Variants in EP400 observed in about 807,000 individuals in gnomAD.
The protein encoded by EP400 is E1A-binding protein p400.
A neutral mutation model predicts 354.1 loss-of-function variants in EP400; 105 were observed. The observed-to-expected ratio is 0.30, with a 90% CI of 0.25 to 0.35. EP400 has a LOEUF of 0.35. Among genes scored for constraint, EP400 ranks in the 10% least tolerant of loss-of-function variants. The pLI is 1.00. For missense variants in EP400, 3,280 were observed against 4,121.0 expected, an observed-to-expected ratio of 0.80 and a Z score of 5.59; for synonymous variants, 1,646 against 1,716.9, an observed-to-expected ratio of 0.96 and a Z score of 1.02.
At position 132,010,942 on chromosome 12, in the gene EP400, TA is replaced by T. The variant is rs559688473; in HGVS notation, c.3305-548del. The stretch of plus-strand genomic sequence containing the variant: ...GGGTGACAAGAGCAACACTCCATCT[TA>T]AAAAAAACAAAATCTTAGTTTTCTG... On this transcript the variant is annotated intron_variant, in intron 15 of 52. Transcript: ENST00000389561. Among the ~76,000 whole-genome samples, 447 of 152,002 alleles carry T rather than the reference TA, an allele frequency of 2.9e-3. 4 individuals are homozygous for T. Among genetic ancestry groups the T allele is most frequent in the African/African-American group, 0.01 (433 of 41,464 alleles).
At chr12:132,002,863 C>T (rs1893463428) in intron 12 of EP400, among the ~76,000 whole-genome samples, 1 of 152,144 alleles carries the variant, frequency 6.6e-6, no homozygotes, top group Non-Finnish European at 1.5e-5. Context: ...AGCAGAGCCT[C>T]TCATTGGGTC....
At chr12:132,047,495 G>A (rs1445007627) in intron 39 of EP400, among the ~76,000 whole-genome samples, 1 of 152,172 alleles carries the variant, frequency 6.6e-6, no homozygotes, top group African/African-American at 2.4e-5. Flanking sequence ...CATGTCGGCA[G>A]GTTCCGTGAT....
intron 1 of EP400, among the ~76,000 whole-genome samples, chr12:131,958,628 C>A (rs1430403648): frequency 6.6e-6 from 1 of 152,130 alleles, no homozygotes; most frequent in Non-Finnish European, 1.5e-5. Flanking sequence ...AGGCGGTCTC[C>A]TTTGGCCTCC....
intron 36 of EP400, 36 bp downstream of exon 36, chr12:132,044,751 C>T: frequency 1.2e-6 from 2 of 1,614,148 alleles, no homozygotes; most frequent in Non-Finnish European, 8.5e-7. Flanking sequence ...TCTGTGTGGG[C>T]AGCTTCCTGT....
intron 51 of EP400, among the ~76,000 whole-genome samples, chr12:132,072,115 G>A (rs1331202451): frequency 1.3e-5 from 2 of 152,136 alleles, no homozygotes; most frequent in Admixed American, 6.5e-5. Context: ...TCGTTCGTGC[G>A]CTCTGCCTGC....
At chr12:131,981,701 T>C in intron 4 of EP400, 105 bp downstream of exon 4, 1 of 944,274 alleles carries the variant, frequency 1.1e-6, no homozygotes, top group African/African-American at 1.7e-5. Context: ...GGTAGCGTGT[T>C]TGCAGTGGGG....
intron 45 of EP400, among the ~76,000 whole-genome samples, chr12:132,060,802 T>C (rs1895666734): frequency 6.6e-6 from 1 of 151,740 alleles, no homozygotes; most frequent in Non-Finnish European, 1.5e-5. Flanking sequence ...TAATGCCAGC[T>C]ATTCAGGAGG....
chr12:132,069,458 TG>T (rs1565936272), intron 50 of EP400, 36 bp from the exon 51 acceptor site: 10 of 1,605,212 alleles, frequency 6.2e-6, no homozygotes. Context: ...GAGCGCGGCA[TG>T]GTCTCTGCGG....
chr12:131,962,339 C>A (rs982861873), intron 2 of EP400, among the ~76,000 whole-genome samples: 1 of 152,178 alleles, frequency 6.6e-6, no homozygotes. Flanking sequence ...ACCAGCCAAA[C>A]GTGTGAAAGC....
intron 51 of EP400, among the ~76,000 whole-genome samples, chr12:132,069,880 C>G (rs1203150175): frequency 6.6e-6 from 1 of 152,206 alleles, no homozygotes; most frequent in African/African-American, 2.4e-5. Flanking sequence ...ACGTCGATCT[C>G]CAGCTCTGTG....
At chr12:131,986,831 A>G in intron 6 of EP400, 24 bp downstream of exon 6, 5 of 1,578,088 alleles carry the variant, frequency 3.2e-6, no homozygotes, top group Non-Finnish European at 4.3e-6. Flanking sequence ...AGAAAGTTGT[A>G]AAATGTACTC....
intron 23 of EP400, among the ~76,000 whole-genome samples, chr12:132,022,123 G>T (rs533797146): frequency 1.3e-5 from 2 of 152,264 alleles, no homozygotes; most frequent in African/African-American, 4.8e-5. Flanking sequence ...CTCTCCCATT[G>T]CCCAAAAATA....
chr12:131,964,877 CTT>C (rs971202377), intron 2 of EP400, among the ~76,000 whole-genome samples: 2 of 152,232 alleles, frequency 1.3e-5, no homozygotes, highest in African/African-American at 4.8e-5. Context: ...AATTTCATCT[CTT>C]GTCTCAAGGA....
intron 39 of EP400, among the ~76,000 whole-genome samples, chr12:132,046,127 G>T (rs1895090270): frequency 1.3e-5 from 2 of 152,386 alleles, no homozygotes; most frequent in South Asian, 4.1e-4. Context: ...CGTTGTGCTT[G>T]TTGGGATCAT....
intron 2 of EP400, among the ~76,000 whole-genome samples, chr12:131,972,423 G>A (rs1892321623): frequency 6.6e-6 from 1 of 152,060 alleles, no homozygotes. Flanking sequence ...AAAGTGCTGG[G>A]ATTACAGGCG....
intron 3 of EP400, among the ~76,000 whole-genome samples, chr12:131,980,607 A>G (rs1892647910): frequency 6.6e-6 from 1 of 152,104 alleles, no homozygotes; most frequent in Non-Finnish European, 1.5e-5. Flanking sequence ...GTGCACTGGC[A>G]TCATCATGGC....
chr12:132,027,917 C>G lies in EP400; in HGVS notation c.5110-100C>G. 7.8e-7 allele frequency: 1 copy of G among 1,276,328 alleles called. No homozygotes were observed. The highest frequency in any genetic ancestry group is 1.1e-6 in the Non-Finnish European group (1 of 912,000). The allele number at this position is 1,276,328 out of a possible 1,614,324, so 79.1% of individuals were successfully genotyped here. ...CAAGACCGGGGATATTGAAGTGGAT[C>G]TCATATGTGGGAAATCACGGGCTGG... On this transcript the variant is annotated intron_variant, in intron 26 of 52. Transcript: ENST00000389561. This position sits in a 1 kb window ranked among gnomAD's most constrained non-coding sequence, Gnocchi z 4.9.
At chr12:132,003,948 T>C (rs1289943826) in intron 12 of EP400, among the ~76,000 whole-genome samples, 2 of 152,250 alleles carry the variant, frequency 1.3e-5, no homozygotes, top group South Asian at 2.1e-4. Context: ...CAACAGTCTT[T>C]GACATAAAAT....
chr12:131,960,727 G>A lies in EP400; in HGVS notation c.108G>A (p.Pro36=), dbSNP rs767249896. The A allele has an allele frequency of 2.2e-4, 32 of 145,922 alleles. No homozygotes were observed. Among genetic ancestry groups the A allele is most frequent in the Middle Eastern group, 1.9e-3 (1 of 526 alleles). 9.0% of individuals were successfully genotyped at this position (145,922 alleles called of 1,614,324 possible). ...AGCCGGCCCACCCCAACCCACCCCC[G>A]TCCCCCGCAGCTCCCTTCGCTCCCT... ...EEQPAHPNPP[P]SPAAPFAPSA... The change falls in exon 2 of 53, where the codon CCG becomes CCA. Residue 36 remains proline (P), a synonymous_variant. Transcript: ENST00000389561.
Sources: gnomAD v4.1 joint callset for allele counts (sites outside exome capture counted in the v4.1 genomes callset) on GRCh38, gnomAD v4.1.1 for gene constraint, Gnocchi (gnomAD v3.1) non-coding constraint, MANE v1.5 for transcripts, NCBI Gene and HGNC (gene_info 2026-07-23, HGNC 2026-07-21) for gene names.